BICC1: variants seen among roughly 807,000 people sequenced by gnomAD.
The protein encoded by BICC1 is BicC family RNA binding protein 1, also known as protein bicaudal C homolog 1.
Under a neutral mutation model 111.0 loss-of-function variants are expected in BICC1, and 43 were observed. The ratio of observed to expected loss-of-function variants is 0.39; its 90% CI spans 0.30 to 0.50. The LOEUF (loss-of-function observed/expected upper bound fraction) is 0.50. BICC1 is among the 20% of genes least tolerant of loss of function. The pLI, the probability that BICC1 is intolerant of heterozygous loss-of-function variation, is 0.88. For missense variants in BICC1, 1,091 were observed against 1,203.2 expected, an observed-to-expected ratio of 0.91 and a Z score of 1.38; for synonymous variants, 467 against 434.4, an observed-to-expected ratio of 1.07 and a Z score of -0.93.
At chr10:58,588,147 C>G (rs913877383) in intron 1 of BICC1, among the ~76,000 whole-genome samples, 1 of 152,200 alleles carries the variant, frequency 6.6e-6, no homozygotes, top group African/African-American at 2.4e-5. Flanking sequence ...AATATATGCT[C>G]TATGTATCTT....
intron 2 of BICC1, among the ~76,000 whole-genome samples, chr10:58,625,460 G>T (rs898335878): frequency 1.3e-5 from 2 of 151,120 alleles, no homozygotes; most frequent in African/African-American, 4.9e-5. Context: ...TGAAAGCCAG[G>T]TTTTTTTTTG....
intron 1 of BICC1, among the ~76,000 whole-genome samples, chr10:58,581,820 C>T (rs552509985): frequency 6.6e-6 from 1 of 152,028 alleles, no homozygotes; most frequent in African/African-American, 2.4e-5. Context: ...ATGCACATGG[C>T]AAATTTCAGA....
intron 17 of BICC1, 82 bp downstream of exon 17, chr10:58,807,240 T>C (rs1401366791): frequency 2.2e-6 from 3 of 1,355,238 alleles, no homozygotes; most frequent in Non-Finnish European, 3.0e-6. Flanking sequence ...CCTCATTCTT[T>C]ATGTACCTAA....
intron 3 of BICC1, among the ~76,000 whole-genome samples, chr10:58,748,238 G>A (rs568856259): frequency 2.0e-5 from 3 of 152,194 alleles, no homozygotes; most frequent in East Asian, 1.9e-4. Context: ...TCTAGGGACT[G>A]GGATGTAGAT....
intron 3 of BICC1, among the ~76,000 whole-genome samples, chr10:58,746,517 G>C (rs1399704077): frequency 6.6e-6 from 1 of 152,058 alleles, no homozygotes; most frequent in African/African-American, 2.4e-5. Context: ...GGTAAGAAGG[G>C]GGAAAATGAT....
intron 2 of BICC1, among the ~76,000 whole-genome samples, chr10:58,623,590 G>A (rs1016410563): frequency 6.6e-6 from 1 of 152,170 alleles, no homozygotes; most frequent in Non-Finnish European, 1.5e-5. Flanking sequence ...CTTATGTAAC[G>A]TTCTAAGGAG....
At chr10:58,711,703 T>G (rs745840224) in intron 3 of BICC1, among the ~76,000 whole-genome samples, 1 of 152,186 alleles carries the variant, frequency 6.6e-6, no homozygotes, top group Non-Finnish European at 1.5e-5. Context: ...TTTCCAATCT[T>G]TTTTCTCTCT....
intron 3 of BICC1, among the ~76,000 whole-genome samples, chr10:58,745,061 A>T (rs1841789899): frequency 6.6e-6 from 1 of 152,162 alleles, no homozygotes; most frequent in South Asian, 2.1e-4. Context: ...CACATTCTTG[A>T]TTAAATGTTA....
chr10:58,585,885 A>G (rs1385699817), intron 1 of BICC1, among the ~76,000 whole-genome samples: 2 of 152,194 alleles, frequency 1.3e-5, no homozygotes, highest in Non-Finnish European at 2.9e-5. Context: ...TTGTGGTTGT[A>G]TGTTAGCAGA....
chr10:58,513,370 GC>G, intron 1 of BICC1, 37 bp downstream of exon 1: 1 of 1,532,452 alleles, frequency 6.5e-7, no homozygotes, highest in Non-Finnish European at 8.8e-7. Flanking sequence ...CTCCGACTGA[GC>G]CTCTAACTCC....
At chr10:58,822,447 GCTCT>G (rs1020684200) in intron 20 of BICC1, among the ~76,000 whole-genome samples, 1 of 152,050 alleles carries the variant, frequency 6.6e-6, no homozygotes, top group African/African-American at 2.4e-5. Flanking sequence ...AAGGTTTCAA[GCTCT>G]CTATTTTAAA....
intron 3 of BICC1, among the ~76,000 whole-genome samples, chr10:58,745,524 C>G (rs12764407): frequency 0.64 from 96,136 of 149,814 alleles, 33,564 homozygotes; most frequent in East Asian, 0.9. Flanking sequence ...CTAAAGTCAA[C>G]GTGAAAGCAG....
rs1175594307 is a variant in BICC1 at position 58,682,312 on chromosome 10, G to T, written c.238-19762G>T. The stretch of plus-strand genomic sequence containing the variant: ...TTCCAAGTCTTTGCTATTGTGAATA[G>T]TGCCACAATAGACATACATGTGCAT... On this transcript the variant is annotated intron_variant, in intron 2 of 20. Coordinates refer to ENST00000373886, the MANE Select transcript of BICC1 (RefSeq NM_001080512.3). Among the ~76,000 whole-genome samples the T allele has an allele frequency of 3.3e-5, 5 of 152,026 alleles. No homozygotes were observed. The South Asian group carries it at 8.3e-4, about 25-fold the overall frequency.
At chr10:58,792,855 C>G (rs915262109) in intron 8 of BICC1, among the ~76,000 whole-genome samples, 1 of 152,124 alleles carries the variant, frequency 6.6e-6, no homozygotes, top group Non-Finnish European at 1.5e-5. Flanking sequence ...CTTCCCTCCC[C>G]CTCCCCTGGT....
intron 1 of BICC1, among the ~76,000 whole-genome samples, chr10:58,568,888 A>G (rs889672279): frequency 1.6e-4 from 25 of 152,282 alleles, no homozygotes; most frequent in Admixed American, 2.0e-4. Context: ...CTCAAAGCCA[A>G]CTGGCCTCTT....
chr10:58,784,948 A>G (rs992348854), intron 3 of BICC1, 53 bp from the exon 4 acceptor site: 3 of 1,010,972 alleles, frequency 3.0e-6, no homozygotes, highest in Non-Finnish European at 4.4e-6. Context: ...TTTTAAAACA[A>G]TTTTAAACAG....
At position 58,829,751 on chromosome 10, in the gene BICC1, T is replaced by C. The variant is rs1844504799; in HGVS notation, c.*860T>C. On this transcript the variant is annotated 3_prime_UTR_variant, in exon 21 of 21. Transcript: ENST00000373886. ...TGCTAAAATGATTTTAATGGTTGTC[T>C]GGAGGCAAAGGGCTGTTTTTTAGTA... The C allele has an allele frequency of 1.3e-5, 2 of 152,236 alleles. No individual in the cohort carries two copies. Among genetic ancestry groups the C allele is most frequent in the African/African-American group, 4.8e-5 (2 of 41,472 alleles). The allele number at this position is 152,236 out of a possible 1,614,324, so 9.4% of individuals were successfully genotyped here.
chr10:58,759,231 A>G (rs192405108), intron 3 of BICC1, among the ~76,000 whole-genome samples: 3 of 152,258 alleles, frequency 2.0e-5, no homozygotes, highest in Non-Finnish European at 2.9e-5. Flanking sequence ...AAGTGCTGCA[A>G]TTACAGGAGT....
intron 3 of BICC1, among the ~76,000 whole-genome samples, chr10:58,784,590 G>A (rs866544431): frequency 6.6e-6 from 1 of 152,120 alleles, no homozygotes; most frequent in African/African-American, 2.4e-5. Flanking sequence ...TGTAAACAAC[G>A]TCATGAATCT....
Sources: allele counts gnomAD v4.1 joint callset (sites outside exome capture counted in the v4.1 genomes callset), GRCh38; gene constraint gnomAD v4.1.1; transcripts MANE v1.5; gene names NCBI Gene and HGNC (gene_info 2026-07-23, HGNC 2026-07-21).